Variants in NUMA1 observed in about 807,000 individuals in gnomAD.
The protein encoded by NUMA1 is nuclear mitotic apparatus protein 1.
Under a neutral mutation model 237.1 loss-of-function variants are expected in NUMA1, and 62 were observed. The ratio of observed to expected loss-of-function variants is 0.26; its 90% CI spans 0.21 to 0.32. The LOEUF is 0.32. NUMA1 is among the 10% of genes least tolerant of loss of function. NUMA1 has a pLI of 1.00. For missense variants in NUMA1, 2,533 were observed against 2,666.5 expected (o/e 0.95, Z 1.10); for synonymous variants, 1,028 against 1,066.1 (o/e 0.96, Z 0.70).
In NUMA1 at chr11:72,008,787, G is replaced by C. The variant is rs774608170; in HGVS notation, c.5117C>G (p.Ala1706Gly). The C allele has an allele frequency of 1.2e-6, 2 of 1,614,116 alleles. No individual in the cohort carries two copies. The highest frequency in any genetic ancestry group is 4.5e-5 in the East Asian group (2 of 44,876). Reference sequence around the variant, plus strand: ...AGCCTGGGGCTCACGGCTCTTTAAAGCATCAGTTGCCACCTGGAATTTGCC... The same window carrying C: ...AGCCTGGGGCTCACGGCTCTTTAAACCATCAGTTGCCACCTGGAATTTGCC... ...DLGKFQVATD[A>G]LKSREPQAKP... The change falls in exon 20 of 27, where the codon GCT becomes GGT. Residue 1706 changes from alanine to glycine, a missense_variant. Transcript: ENST00000393695.
rs1956343943 is a variant in NUMA1, at chr11:72,014,205, C to T, written c.3298G>A (p.Glu1100Lys). ...LKEQLAKKEKEHASGSGAQSE... is the reference protein window; with the variant it reads ...LKEQLAKKEKKHASGSGAQSE... ...TGGGCTCCTGAGCCAGATGCGTGCT[C>T]CTTTTCTTTCTTAGCCAGCTGTTCC... Residue 1100 changes from glutamate (E) to lysine (K), a missense_variant, in exon 15 of 27, where the codon GAG (glutamate) becomes AAG (lysine). Glu to Lys is a moderately conservative substitution (Grantham distance 56). Around this residue, in one of 3 missense-constraint regions of NUMA1, gnomAD observed 1,414 missense variants for 1,508.1 expected, o/e 0.94. Coordinates refer to ENST00000393695, the MANE Select transcript of NUMA1 (RefSeq NM_006185.4). The surrounding 1 kb of genome is among the most constrained non-coding windows in gnomAD (Gnocchi z 4.6). The T allele has an allele frequency of 3.1e-6, 5 of 1,614,050 alleles. No homozygotes were observed. The highest frequency in any genetic ancestry group is 4.2e-6 in the Non-Finnish European group (5 of 1,180,042).
intron 25 of NUMA1, 53 bp downstream of exon 25, chr11:72,004,165 CGCTCTAT>C: frequency 6.2e-7 from 1 of 1,607,072 alleles, no homozygotes; most frequent in Non-Finnish European, 8.5e-7. Context: ...TGCTGTGCCA[CGCTCTAT>C]CAGCAAGGTC....
At chr11:72,073,694 T>C (rs1413391180) in intron 1 of NUMA1, among the ~76,000 whole-genome samples, 2 of 152,106 alleles carry the variant, frequency 1.3e-5, no homozygotes, top group Non-Finnish European at 2.9e-5. Context: ...GGAAGACTGA[T>C]TTTGGTTTGC....
chr11:72,003,771 C>G, intron 26 of NUMA1, 116 bp downstream of exon 26: 1 of 1,167,982 alleles, frequency 8.6e-7, no homozygotes, highest in African/African-American at 1.5e-5. Context: ...CACCTCTTAC[C>G]CCACACCCTC....
intron 2 of NUMA1, among the ~76,000 whole-genome samples, chr11:72,051,923 G>A (rs1467717469): frequency 1.3e-5 from 2 of 152,212 alleles, no homozygotes; most frequent in Non-Finnish European, 2.9e-5. Flanking sequence ...AACCCAGGGT[G>A]ACTTACTGAA....
At chr11:72,034,128 A>G (rs1294650670) in intron 3 of NUMA1, among the ~76,000 whole-genome samples, 1 of 152,180 alleles carries the variant, frequency 6.6e-6, no homozygotes, top group East Asian at 1.9e-4. Flanking sequence ...TTTTTAAAAA[A>G]AGAAAAATGG....
chr11:72,058,456 G>A (rs537435535), intron 2 of NUMA1, among the ~76,000 whole-genome samples: 25 of 152,070 alleles, frequency 1.6e-4, no homozygotes, highest in Middle Eastern at 6.3e-3. Context: ...CTACATAAAA[G>A]TCCATATAAG....
intron 1 of NUMA1, among the ~76,000 whole-genome samples, chr11:72,077,706 C>T (rs1389161680): frequency 6.6e-6 from 1 of 150,790 alleles, no homozygotes; most frequent in African/African-American, 2.4e-5. Flanking sequence ...CCCAGCTACT[C>T]GGGAGGCTGA....
intron 2 of NUMA1, among the ~76,000 whole-genome samples, chr11:72,037,144 C>A (rs1172439707): frequency 6.6e-6 from 1 of 152,220 alleles, no homozygotes; most frequent in African/African-American, 2.4e-5. Flanking sequence ...CCCATTATCT[C>A]TTGGTCCTTC....
In NUMA1 at chr11:72,004,759, C is replaced by T. The variant is rs997026266; in HGVS notation, c.5887G>A (p.Glu1963Lys). 1.9e-6 allele frequency: 3 copies of T among 1,604,598 alleles called. No individual in the cohort carries two copies. Among genetic ancestry groups the T allele is most frequent in the Admixed American group, 1.7e-5 (1 of 57,608 alleles). ...TGCATGCTGGCTCGGCGCAGGGTCT[C>T]TTGGGGGTCTCCAGTTTTCATCTCC... ...DEEMKTGDPQ[E>K]TLRRASMQPI... The change falls in exon 24 of 27, where the codon GAG (glutamate) becomes AAG (lysine). Residue 1963 changes from glutamate (E) to lysine (K), a missense_variant. Coordinates refer to ENST00000393695, the MANE Select transcript of NUMA1 (RefSeq NM_006185.4).
At chr11:72,027,991 CT>C (rs1330239291) in intron 4 of NUMA1, among the ~76,000 whole-genome samples, 2 of 152,196 alleles carry the variant, frequency 1.3e-5, no homozygotes, top group African/African-American at 4.8e-5. Context: ...AGAATAGTGA[CT>C]TCTTTCAGAG....
At chr11:72,055,976 ACACACAC>A (rs1942615369) in intron 2 of NUMA1, among the ~76,000 whole-genome samples, 1 of 141,344 alleles carries the variant, frequency 7.1e-6, no homozygotes, top group Non-Finnish European at 1.5e-5. Flanking sequence ...ACACACACAC[ACACACAC>A]ACACACACAC....
At chr11:72,010,062 T>C (rs1334343705) in intron 17 of NUMA1, among the ~76,000 whole-genome samples, 1 of 152,152 alleles carries the variant, frequency 6.6e-6, no homozygotes, top group Non-Finnish European at 1.5e-5. Context: ...TCTCCTAACA[T>C]AGGACAGGCC....
In NUMA1 at chr11:72,015,321, C is replaced by G; in HGVS notation, c.2182G>C (p.Ala728Pro). The change falls in exon 15 of 27, where the codon GCC (alanine) becomes CCC (proline). Residue 728 changes from alanine (A) to proline (P), a missense_variant. Coordinates refer to ENST00000393695, the MANE Select transcript of NUMA1 (RefSeq NM_006185.4). This position sits in a 1 kb window ranked among gnomAD's most constrained non-coding sequence, Gnocchi z 4.0. ...ATACAACGCTGCTGCTCTTCCAGGG[C>G]ATCTGCAGCCCTGCGCTTCTCCTCT... Reference protein sequence around the residue: ...LEEEKRRAADALEEQQRCISE... With the variant: ...LEEEKRRAADPLEEQQRCISE... 6.2e-7 allele frequency: 1 copy of G among 1,613,546 alleles called. No homozygotes were observed. The highest frequency in any genetic ancestry group is 8.5e-7 in the Non-Finnish European group (1 of 1,180,048).
rs767195243 is a variant in NUMA1 at position 72,012,399 on chromosome 11, A to G, written c.4650+2T>C. ...GCATTTAGCGAGGACCTCAGGCATT[A>G]CCTGCTTAGTTTGCTCTCTCTGAAA... On this transcript the variant is annotated splice_donor_variant, in intron 16 of 26. Transcript: ENST00000393695. LOFTEE classifies it high-confidence loss of function. 6.2e-7 allele frequency: 1 copy of G among 1,612,826 alleles called. No homozygotes were observed. The highest frequency in any genetic ancestry group is 2.2e-5 in the East Asian group (1 of 44,884).
chr11:72,074,999 A>C (rs2511121), intron 1 of NUMA1, among the ~76,000 whole-genome samples: 122,699 of 151,418 alleles, frequency 0.81, 51,792 homozygotes, highest in Non-Finnish European at 0.94. Context: ...GTGCAATTGC[A>C]CTCCAGCCTG....
intron 26 of NUMA1, 85 bp downstream of exon 26, chr11:72,003,802 A>T (rs1955442847): frequency 7.2e-7 from 1 of 1,385,696 alleles, no homozygotes; most frequent in African/African-American, 1.4e-5. Flanking sequence ...GCGTGGCCCC[A>T]TCTTGGATGC....
intron 13 of NUMA1, chr11:72,016,871 C>T: frequency 4.5e-6 from 1 of 222,146 alleles, no homozygotes; most frequent in Admixed American, 5.3e-5. Context: ...ATCCTCTGGG[C>T]AGCAATACCA....
At chr11:72,045,396 A>G (rs991133119) in intron 2 of NUMA1, among the ~76,000 whole-genome samples, 19 of 152,220 alleles carry the variant, frequency 1.2e-4, no homozygotes, top group African/African-American at 4.3e-4. Flanking sequence ...TTCTTATCCA[A>G]AGGAGCACCA....
Sources: allele counts gnomAD v4.1 joint callset (sites outside exome capture counted in the v4.1 genomes callset), GRCh38; gene constraint gnomAD v4.1.1; regional missense constraint gnomAD v4.1.1; non-coding constraint Gnocchi (gnomAD v3.1); transcripts MANE v1.5; gene names NCBI Gene and HGNC (gene_info 2026-07-23, HGNC 2026-07-21).